Variants in TRPM8 observed in about 807,000 individuals in gnomAD.
The protein encoded by TRPM8 is transient receptor potential cation channel subfamily M member 8, also known as TRPM8 cationic channel.
In TRPM8, 110 loss-of-function variants were observed where a neutral mutation model predicts 133.7. The observed-to-expected ratio is 0.82, with a 90% confidence interval of 0.70 to 0.96. The LOEUF (loss-of-function observed/expected upper bound fraction) is 0.96, where lower values mean the gene tolerates loss of function less well. Among genes scored for constraint, TRPM8 ranks in the 40% least tolerant of loss-of-function variants. TRPM8 has a pLI of 0.00. For synonymous variants in TRPM8, 535 were observed against 532.3 expected, an observed-to-expected ratio of 1.01 and a Z score of -0.07; for missense variants, 1,291 against 1,379.5, an observed-to-expected ratio of 0.94 and a Z score of 1.02.
intron 21 of TRPM8, 132 bp downstream of exon 21, chr2:233,985,997 G>A: frequency 1.2e-6 from 1 of 843,056 alleles, no homozygotes; most frequent in Non-Finnish European, 1.8e-6. Context: ...GGGATTGGTG[G>A]ACTGGAGGGA....
At chr2:233,964,838 G>A in intron 14 of TRPM8, 81 bp downstream of exon 14, 3 of 1,437,906 alleles carry the variant, frequency 2.1e-6, no homozygotes, top group Non-Finnish European at 2.8e-6. Flanking sequence ...TCATAGACCA[G>A]ATGGTGGAGG....
Position 234,017,543 on chromosome 2 carries a change from TTA to T in TRPM8, c.*288_*289del, listed in dbSNP as rs1216218633. The T allele has an allele frequency of 2.9e-6, 1 of 342,924 alleles. No individual in the cohort carries two copies. Among genetic ancestry groups the T allele is most frequent in the Non-Finnish European group, 5.7e-6 (1 of 174,590 alleles). The allele number at this position is 342,924 out of a possible 1,614,324, so 21.2% of individuals were successfully genotyped here. ...ATGCCTGGGACTGGAGGTTGATAGT[TTA>T]AGTGTGTTCTTACCGCCTCCTTTTT... On this transcript the variant is annotated 3_prime_UTR_variant, in exon 26 of 26. Transcript: ENST00000324695.
chr2:233,976,192 G>T (rs992270180), intron 17 of TRPM8, among the ~76,000 whole-genome samples: 1 of 152,204 alleles, frequency 6.6e-6, no homozygotes, highest in Non-Finnish European at 1.5e-5. Flanking sequence ...AGGAGCTTTC[G>T]AGGAGAGGAG....
At chr2:233,955,058 T>G in intron 10 of TRPM8, 74 bp from the exon 11 acceptor site, 1 of 1,058,540 alleles carries the variant, frequency 9.4e-7, no homozygotes, top group Non-Finnish European at 1.5e-6. Flanking sequence ...GCTCTGATAA[T>G]TGGCCACACT....
chr2:233,979,749 T>G (rs1316149419), intron 17 of TRPM8, among the ~76,000 whole-genome samples: 2 of 152,208 alleles, frequency 1.3e-5, no homozygotes, highest in Non-Finnish European at 2.9e-5. Flanking sequence ...AATCAAGATG[T>G]TTTACTGCCA....
intron 15 of TRPM8, 75 bp downstream of exon 15, chr2:233,966,830 A>C: frequency 7.0e-7 from 1 of 1,429,956 alleles, no homozygotes; most frequent in Non-Finnish European, 9.2e-7. Context: ...GCAGCATTAA[A>C]CAATAGTAAA....
intron 2 of TRPM8, 75 bp downstream of exon 2, chr2:233,926,729 A>C: frequency 8.8e-7 from 1 of 1,132,070 alleles, no homozygotes; most frequent in African/African-American, 1.5e-5. Flanking sequence ...GCATTTGCAC[A>C]TTGACTTTTA....
At chr2:233,943,061 C>A in intron 6 of TRPM8, 1 of 372,784 alleles carries the variant, frequency 2.7e-6, no homozygotes, top group Non-Finnish European at 4.6e-6. Context: ...AAGCCAACTG[C>A]AGTATCTTTT....
chr2:233,923,251 G>A (rs1400638283), intron 1 of TRPM8, among the ~76,000 whole-genome samples: 1 of 152,194 alleles, frequency 6.6e-6, no homozygotes, highest in Non-Finnish European at 1.5e-5. Context: ...CAGACCCAGT[G>A]AGGTTTTTAT....
At chr2:233,966,461 G>C in intron 14 of TRPM8, 149 bp from the exon 15 acceptor site, 2 of 945,490 alleles carry the variant, frequency 2.1e-6, no homozygotes, top group Non-Finnish European at 3.2e-6. Flanking sequence ...AACAAATTGT[G>C]TTGTGATGGC....
chr2:233,985,348 T>C (rs1034666659), intron 20 of TRPM8, among the ~76,000 whole-genome samples: 2 of 152,232 alleles, frequency 1.3e-5, no homozygotes, highest in Non-Finnish European at 2.9e-5. Context: ...TGCGTGTCCT[T>C]CTTAGCACTT....
intron 9 of TRPM8, among the ~76,000 whole-genome samples, chr2:233,952,589 C>T (rs1691195401): frequency 6.6e-6 from 1 of 151,776 alleles, no homozygotes. Flanking sequence ...TTGTGAGGGA[C>T]CAGCCCAGGA....
At chr2:233,987,563 CAG>C (rs1016138816) in intron 21 of TRPM8, among the ~76,000 whole-genome samples, 1 of 152,178 alleles carries the variant, frequency 6.6e-6, no homozygotes, top group African/African-American at 2.4e-5. Flanking sequence ...AGGGGCTGAG[CAG>C]TGTGTGGCCA....
chr2:233,993,676 T>C (rs535419112), intron 21 of TRPM8, among the ~76,000 whole-genome samples: 1 of 152,304 alleles, frequency 6.6e-6, no homozygotes, highest in African/African-American at 2.4e-5. Flanking sequence ...ACTTAAGCCA[T>C]GGTGCAATAA....
At chr2:233,918,936 C>T (rs1691355096) in intron 1 of TRPM8, among the ~76,000 whole-genome samples, 1 of 152,102 alleles carries the variant, frequency 6.6e-6, no homozygotes, top group African/African-American at 2.4e-5. Flanking sequence ...GTGGAGATGG[C>T]TGGGGTTTGG....
chr2:233,971,176 T>C (rs1460432721), intron 17 of TRPM8, among the ~76,000 whole-genome samples: 1 of 152,198 alleles, frequency 6.6e-6, no homozygotes, highest in African/African-American at 2.4e-5. Context: ...AATACATCAA[T>C]TCAGCAAGTG....
rs184937054 is a variant in TRPM8 at position 233,927,082 on chromosome 2, C to T, written c.117+428C>T. ...CTTTGCTGACACTGGGCTGAGTTCC[C>T]TCCTGCAGGTTTTCCACCCACTCTC... On this transcript the variant is annotated intron_variant, in intron 2 of 25. Coordinates refer to ENST00000324695, the MANE Select transcript of TRPM8 (RefSeq NM_024080.5). Among the ~76,000 whole-genome samples, 442 of 152,308 alleles carry T rather than the reference C, an allele frequency of 2.9e-3. 4 individuals are homozygous for T. Among genetic ancestry groups the T allele is most frequent in the Middle Eastern group, 6.8e-3 (2 of 294 alleles).
intron 1 of TRPM8, among the ~76,000 whole-genome samples, chr2:233,918,629 A>G (rs984301407): frequency 2.0e-5 from 3 of 152,078 alleles, no homozygotes; most frequent in Non-Finnish European, 4.4e-5. Flanking sequence ...GGCTTTTGCT[A>G]TTTTCCTAGT....
chr2:234,007,045 G>A (rs1012206851), intron 23 of TRPM8, 93 bp downstream of exon 23: 8 of 856,614 alleles, frequency 9.3e-6, no homozygotes, highest in Non-Finnish European at 1.5e-5. Flanking sequence ...ACTCAGTAAA[G>A]AGCATTTTCA....
Sources: allele counts gnomAD v4.1 joint callset (sites outside exome capture counted in the v4.1 genomes callset), GRCh38; gene constraint gnomAD v4.1.1; transcripts MANE v1.5; gene names NCBI Gene and HGNC (gene_info 2026-07-23, HGNC 2026-07-21).